BEGAIN: variants seen among roughly 807,000 people sequenced by gnomAD.
BEGAIN encodes brain enriched guanylate kinase associated, also known as brain-enriched guanylate kinase-associated protein.
A neutral mutation model predicts 35.8 loss-of-function variants in BEGAIN; 19 were observed. That is an observed-to-expected ratio of 0.53 (90% CI 0.37 to 0.78). The LOEUF is 0.78. Ranked by LOEUF, BEGAIN falls within the 30% of genes least tolerant of loss-of-function variation. The pLI, the probability that BEGAIN is intolerant of heterozygous loss-of-function variation, is 0.00. For missense variants in BEGAIN, 795 were observed against 853.6 expected (o/e 0.93, Z 0.85); for synonymous variants, 462 against 388.6 (o/e 1.19, Z -2.22).
chr14:100,539,703 C>T (rs1332390635), intron 6 of BEGAIN, among the ~76,000 whole-genome samples: 2 of 150,680 alleles, frequency 1.3e-5, no homozygotes, highest in African/African-American at 4.9e-5. Context: ...TTGACTTGCT[C>T]TCCCAGGCCC....
At chr14:100,561,686 C>T (rs953737427) in intron 2 of BEGAIN, among the ~76,000 whole-genome samples, 1 of 151,734 alleles carries the variant, frequency 6.6e-6, no homozygotes, top group Admixed American at 6.6e-5. Flanking sequence ...CTGGACTGCA[C>T]TCCAGCCTGG....
intron 2 of BEGAIN, among the ~76,000 whole-genome samples, chr14:100,554,258 G>A (rs2033488038): frequency 6.6e-6 from 1 of 152,180 alleles, no homozygotes; most frequent in Admixed American, 6.5e-5. Flanking sequence ...TTGACGTCAC[G>A]ACAGTGGGGT....
intron 1 of BEGAIN, among the ~76,000 whole-genome samples, chr14:100,583,646 CTTTT>C (rs1043972554): frequency 1.4e-5 from 2 of 146,298 alleles, no homozygotes; most frequent in Non-Finnish European, 3.0e-5. Flanking sequence ...TTCTTTCTTT[CTTTT>C]CTTTTTTTCT....
chr14:100,572,398 C>A (rs1450133042), intron 1 of BEGAIN, among the ~76,000 whole-genome samples: 1 of 152,196 alleles, frequency 6.6e-6, no homozygotes, highest in Non-Finnish European at 1.5e-5. Context: ...GAGTGCCATG[C>A]CAAGGACAGA....
chr14:100,559,278 A>G (rs2034032008), intron 2 of BEGAIN, among the ~76,000 whole-genome samples: 1 of 151,378 alleles, frequency 6.6e-6, no homozygotes, highest in Admixed American at 6.6e-5. Context: ...ACTGATCGCT[A>G]CTCCCTCCTC....
intron 4 of BEGAIN, among the ~76,000 whole-genome samples, chr14:100,544,248 C>G (rs1025198842): frequency 6.6e-6 from 1 of 152,108 alleles, no homozygotes; most frequent in Non-Finnish European, 1.5e-5. Flanking sequence ...GGAGTGGGGA[C>G]GGAGGACAGA....
intron 2 of BEGAIN, among the ~76,000 whole-genome samples, chr14:100,562,782 C>T (rs141295602): frequency 1.4e-4 from 21 of 152,356 alleles, no homozygotes; most frequent in African/African-American, 5.1e-4. Context: ...CCCCGCCCCC[C>T]ACTCACTGCC....
chr14:100,539,714 G>A (rs999230986), intron 6 of BEGAIN, among the ~76,000 whole-genome samples: 13 of 138,896 alleles, frequency 9.4e-5, no homozygotes, highest in Admixed American at 2.1e-4. Context: ...TCCCAGGCCC[G>A]TGGGTTCTGT....
At chr14:100,543,001 C>T (rs1460496465) in intron 5 of BEGAIN, among the ~76,000 whole-genome samples, 3 of 148,616 alleles carry the variant, frequency 2.0e-5, no homozygotes, top group South Asian at 2.1e-4. Flanking sequence ...TCCCGCTGGG[C>T]GCTCCTTGGC....
chr14:100,538,450 C>T lies in BEGAIN; in HGVS notation c.1358G>A (p.Ser453Asn). The T allele has an allele frequency of 6.3e-7, 1 of 1,589,740 alleles. No homozygotes were observed. The highest frequency in any genetic ancestry group is 1.1e-5 in the South Asian group (1 of 88,348). The change falls in exon 7 of 7, where the codon AGC (serine) becomes AAC (asparagine). Residue 453 changes from serine to asparagine, a missense_variant. By Grantham distance (46) the Ser-to-Asn change is conservative (BLOSUM62 1). Around this residue, in one of 3 missense-constraint regions of BEGAIN, gnomAD observed 664 missense variants for 647.7 expected, o/e 1.03. Coordinates refer to ENST00000554140, the MANE Select transcript of BEGAIN (RefSeq NM_001385089.1). ...EDIGAYSYPV[S>N]AAGRASPCSF... ...GCAGGGTGAGGCGCGGCCGGCAGCG[C>T]TCACGGGGTAGGAGTAGGCGCCGAT... is the stretch of plus-strand genomic sequence containing the variant.
At position 100,539,223 on chromosome 14, in the gene BEGAIN, G is replaced by A. The variant is rs1156350467; in HGVS notation, c.585C>T (p.Asp195=). ...TGGCAATGACGCAGGTGGGGACGCT[G>A]TCGGCGTAGGCCGGGTGGCAGAGCG... ...PSPLCHPAYA[D]SVPTCVIAKV... Residue 195 remains aspartate, a synonymous_variant, in exon 7 of 7, where the codon GAC becomes GAT. Transcript: ENST00000554140. The A allele has an allele frequency of 1.3e-6, 2 of 1,587,888 alleles. No individual in the cohort carries two copies. Among genetic ancestry groups the A allele is most frequent in the South Asian group, 1.2e-5 (1 of 86,830 alleles).
chr14:100,562,944 G>A (rs936549277), intron 2 of BEGAIN, among the ~76,000 whole-genome samples: 1 of 141,500 alleles, frequency 7.1e-6, no homozygotes, highest in African/African-American at 2.8e-5. Context: ...GAATGCGTGT[G>A]GAATCCATGA....
chr14:100,575,355 A>G (rs2035179922), intron 1 of BEGAIN, among the ~76,000 whole-genome samples: 1 of 152,132 alleles, frequency 6.6e-6, no homozygotes, highest in Non-Finnish European at 1.5e-5. Flanking sequence ...TGGCATCGCT[A>G]TCTTTATCAC....
chr14:100,571,916 G>A (rs565645518), intron 1 of BEGAIN, among the ~76,000 whole-genome samples: 4 of 152,268 alleles, frequency 2.6e-5, no homozygotes, highest in South Asian at 2.1e-4. Flanking sequence ...CTAAAGCATC[G>A]GTGAGGCCCG....
intron 2 of BEGAIN, among the ~76,000 whole-genome samples, chr14:100,555,073 G>T (rs2033577792): frequency 6.6e-6 from 1 of 152,252 alleles, no homozygotes; most frequent in African/African-American, 2.4e-5. Flanking sequence ...CTCGGACCTC[G>T]CCTGGTCTTT....
At chr14:100,555,189 G>A (rs986577292) in intron 2 of BEGAIN, among the ~76,000 whole-genome samples, 2 of 152,248 alleles carry the variant, frequency 1.3e-5, no homozygotes, top group Non-Finnish European at 2.9e-5. Context: ...TCTGCCCCCC[G>A]CCAGGGCCGT....
At chr14:100,546,852 T>C (rs12587475) in intron 2 of BEGAIN, 190 bp from the exon 3 acceptor site, 229,436 of 479,388 alleles carry the variant, frequency 0.48, 62,174 homozygotes, top group African/African-American at 0.89. Context: ...CTGAAGACCA[T>C]GGCGCCCCAG....
intron 1 of BEGAIN, chr14:100,577,954 C>G: frequency 2.5e-6 from 1 of 399,256 alleles, no homozygotes; most frequent in Non-Finnish European, 4.4e-6. Flanking sequence ...TGAGAGCATC[C>G]TCCTGAGTCA....
At position 100,583,377 on chromosome 14, in the gene BEGAIN, C is replaced by T. The variant is rs369636911; in HGVS notation, c.42+3872G>A. On this transcript the variant is annotated intron_variant, in intron 1 of 6. Coordinates refer to ENST00000554140, the MANE Select transcript of BEGAIN (RefSeq NM_001385089.1). ...AGTATTCATCCACCCATCCCAACAT[C>T]CAGGCACTACCTGTATCCATTTATG... is the stretch of plus-strand genomic sequence containing the variant. Among the ~76,000 whole-genome samples, 262 of 152,268 alleles carry T rather than the reference C, an allele frequency of 1.7e-3. 1 individual carries two copies. Among genetic ancestry groups the T allele is most frequent in the African/African-American group, 6.2e-3 (257 of 41,552 alleles).
Sources: allele counts gnomAD v4.1 joint callset (sites outside exome capture counted in the v4.1 genomes callset), GRCh38; gene constraint gnomAD v4.1.1; regional missense constraint gnomAD v4.1.1; transcripts MANE v1.5; gene names NCBI Gene and HGNC (gene_info 2026-07-23, HGNC 2026-07-21).